The following GPC5 variants were observed in gnomAD, a reference collection of about 807,000 sequenced individuals.
GPC5 encodes the protein glypican 5.
In GPC5, 47 loss-of-function variants were observed where a neutral mutation model predicts 53.9. That is an observed-to-expected ratio of 0.87 (90% CI 0.69 to 1.11). The LOEUF (loss-of-function observed/expected upper bound fraction) is 1.11, where lower values mean the gene tolerates loss of function less well. GPC5 is among the 50% of genes most tolerant of loss of function. The probability of loss-of-function intolerance (pLI) is 0.00; values close to 1 mark genes in which losing one functional copy is unlikely to be tolerated. For synonymous variants in GPC5, 286 were observed against 263.3 expected, an observed-to-expected ratio of 1.09 and a Z score of -0.84; for missense variants, 748 against 713.1, an observed-to-expected ratio of 1.05 and a Z score of -0.56.
At chr13:92,609,636 G>A (rs1884370064) in intron 7 of GPC5, among the ~76,000 whole-genome samples, 1 of 152,100 alleles carries the variant, frequency 6.6e-6, no homozygotes, top group South Asian at 2.1e-4. Context: ...AACCTTATGA[G>A]GCACAAGCAG....
chr13:92,016,901 T>C (rs1166430319), intron 6 of GPC5, among the ~76,000 whole-genome samples: 2 of 152,136 alleles, frequency 1.3e-5, no homozygotes, highest in Non-Finnish European at 2.9e-5. Flanking sequence ...TTTGTTACTA[T>C]TTCCCAATGG....
At chr13:91,681,384 T>G (rs2035505413) in intron 2 of GPC5, among the ~76,000 whole-genome samples, 1 of 152,296 alleles carries the variant, frequency 6.6e-6, no homozygotes, top group Non-Finnish European at 1.5e-5. Context: ...TTGCATTTCA[T>G]TAGGAAGAGG....
chr13:92,129,930 T>G (rs912169070), intron 6 of GPC5, among the ~76,000 whole-genome samples: 2 of 152,072 alleles, frequency 1.3e-5, no homozygotes, highest in African/African-American at 4.8e-5. Flanking sequence ...GGTCAAAAAT[T>G]TTGTAAAATT....
intron 7 of GPC5, among the ~76,000 whole-genome samples, chr13:92,167,887 A>G (rs761629528): frequency 1.3e-4 from 20 of 148,680 alleles, no homozygotes; most frequent in Non-Finnish European, 2.4e-4. Flanking sequence ...AAAAAAAAAG[A>G]TAGTTTTTAA....
chr13:91,796,799 C>G (rs2038053846), intron 5 of GPC5, among the ~76,000 whole-genome samples: 1 of 152,042 alleles, frequency 6.6e-6, no homozygotes, highest in African/African-American at 2.4e-5. Flanking sequence ...ATTTATTGGT[C>G]TGCTTCAGGT....
chr13:91,991,885 G>A (rs2040460146), intron 6 of GPC5, among the ~76,000 whole-genome samples: 1 of 151,840 alleles, frequency 6.6e-6, no homozygotes, highest in Admixed American at 6.6e-5. Flanking sequence ...ATTAGTGTGT[G>A]GTTAGGAAAT....
chr13:92,008,144 G>T (rs1032403025), intron 6 of GPC5, among the ~76,000 whole-genome samples: 1 of 146,654 alleles, frequency 6.8e-6, no homozygotes, highest in African/African-American at 2.5e-5. Context: ...CTCACTGCAA[G>T]CTCCGCCTCC....
At chr13:91,887,277 G>A (rs532260284) in intron 5 of GPC5, among the ~76,000 whole-genome samples, 48 of 152,286 alleles carry the variant, frequency 3.2e-4, no homozygotes, top group African/African-American at 1.1e-3. Flanking sequence ...TGGGTGGAGC[G>A]GCTGCAATGC....
At chr13:91,623,661 C>T (rs750350668) in intron 2 of GPC5, among the ~76,000 whole-genome samples, 2 of 152,080 alleles carry the variant, frequency 1.3e-5, no homozygotes, top group Non-Finnish European at 2.9e-5. Flanking sequence ...AGTATAATTT[C>T]ATATGTAAAA....
intron 2 of GPC5, among the ~76,000 whole-genome samples, chr13:91,532,904 G>A (rs1886416030): frequency 6.6e-6 from 1 of 152,036 alleles, no homozygotes; most frequent in Admixed American, 6.6e-5. Context: ...TAAAGTAAAA[G>A]ATCTTGACCT....
chr13:92,493,204 ATTAAT>A (rs1423677889), intron 7 of GPC5, among the ~76,000 whole-genome samples: 1 of 152,202 alleles, frequency 6.6e-6, no homozygotes, highest in African/African-American at 2.4e-5. Flanking sequence ...ACATGTACAC[ATTAAT>A]TTAAAATTAG....
chr13:92,017,028 G>C (rs1483405010), intron 6 of GPC5, among the ~76,000 whole-genome samples: 2 of 152,126 alleles, frequency 1.3e-5, no homozygotes, highest in Non-Finnish European at 2.9e-5. Flanking sequence ...ACAATGGCCT[G>C]TCGATGCTGG....
intron 7 of GPC5, among the ~76,000 whole-genome samples, chr13:92,692,776 T>A (rs981111977): frequency 1.4e-4 from 20 of 146,516 alleles, no homozygotes; most frequent in African/African-American, 5.0e-4. Flanking sequence ...TTTTTTTTTT[T>A]ACATTTTACC....
intron 6 of GPC5, among the ~76,000 whole-genome samples, chr13:92,027,027 G>A (rs1406382249): frequency 1.3e-5 from 2 of 152,152 alleles, no homozygotes; most frequent in Non-Finnish European, 2.9e-5. Flanking sequence ...AAGCATTGCA[G>A]TAACCTAAGC....
intron 7 of GPC5, among the ~76,000 whole-genome samples, chr13:92,189,592 C>T (rs1260213379): frequency 6.6e-6 from 1 of 151,454 alleles, no homozygotes; most frequent in Non-Finnish European, 1.5e-5. Flanking sequence ...TACACGTGCA[C>T]ACACACACAC....
intron 6 of GPC5, among the ~76,000 whole-genome samples, chr13:91,919,801 G>A (rs1354830510): frequency 6.6e-6 from 1 of 152,134 alleles, no homozygotes; most frequent in African/African-American, 2.4e-5. Context: ...ATGAGTCCTA[G>A]AGAAGGAAAT....
chr13:92,576,473 T>G (rs1345941640), intron 7 of GPC5, among the ~76,000 whole-genome samples: 1 of 152,176 alleles, frequency 6.6e-6, no homozygotes, highest in East Asian at 1.9e-4. Context: ...GTTTTACAAA[T>G]GAGAAGCTGT....
chr13:92,799,329 TAGC>T (rs565418389), intron 7 of GPC5, among the ~76,000 whole-genome samples: 16 of 151,826 alleles, frequency 1.1e-4, no homozygotes, highest in Non-Finnish European at 2.1e-4. Context: ...TATGTTAAAT[TAGC>T]AGACTTCTTT....
At chr13:91,719,841 T>TC (rs1437242621) in intron 3 of GPC5, among the ~76,000 whole-genome samples, 3 of 150,946 alleles carry the variant, frequency 2.0e-5, no homozygotes, top group Non-Finnish European at 4.4e-5. Context: ...ATTTTTTTTT[T>TC]CTCTTATTTC....
Sources: gnomAD v4.1 joint callset for allele counts (sites outside exome capture counted in the v4.1 genomes callset) on GRCh38, gnomAD v4.1.1 for gene constraint, MANE v1.5 for transcripts, NCBI Gene and HGNC (gene_info 2026-07-23, HGNC 2026-07-21) for gene names.